AFF3: variants seen among roughly 807,000 people sequenced by gnomAD.
The protein encoded by AFF3 is AF4/FMR2 family member 3.
A neutral mutation model predicts 129.7 loss-of-function variants in AFF3; 32 were observed. The ratio of observed to expected loss-of-function variants is 0.25; its 90% CI spans 0.19 to 0.33. The LOEUF (loss-of-function observed/expected upper bound fraction) is 0.33, where lower values mean the gene tolerates loss of function less well. AFF3 is among the 10% of genes least tolerant of loss of function. The pLI, the probability that AFF3 is intolerant of heterozygous loss-of-function variation, is 1.00. For missense variants in AFF3, 1,373 were observed against 1,592.0 expected (o/e 0.86, Z 2.34); for synonymous variants, 644 against 635.4 (o/e 1.01, Z -0.20).
chr2:99,916,307 CCT>C (rs1457682516), intron 7 of AFF3, among the ~76,000 whole-genome samples: 28 of 152,284 alleles, frequency 1.8e-4, no homozygotes, highest in Admixed American at 1.3e-3. Context: ...CATCCCTCAC[CCT>C]GTTTTGGTTT....
chr2:99,601,557 T>TGCTGCTGCTGCTGCC lies in AFF3; in HGVS notation c.1234_1248dup (p.Gly412_Ser416dup). On this transcript the variant is annotated inframe_insertion, in exon 14 of 25. Coordinates refer to ENST00000672756, the MANE Select transcript of AFF3 (RefSeq NM_001386135.1). ...GAGGAGCTGCTGCTGCCGCTGCTGC[T>TGCTGCTGCTGCTGCC]GCTGCTGCTGCTGCCCTTGCTGGAA... 1 of 1,601,240 alleles carries TGCTGCTGCTGCTGCC rather than the reference T, an allele frequency of 6.2e-7. No individual in the cohort carries two copies. Among genetic ancestry groups the TGCTGCTGCTGCTGCC allele is most frequent in the South Asian group, 1.1e-5 (1 of 89,194 alleles).
chr2:99,646,859 A>G (rs1684739879), intron 13 of AFF3, among the ~76,000 whole-genome samples: 1 of 152,244 alleles, frequency 6.6e-6, no homozygotes, highest in Non-Finnish European at 1.5e-5. Flanking sequence ...TTTTAAAATC[A>G]TTATTTTGAA....
At chr2:99,736,769 C>T (rs1680301056) in intron 10 of AFF3, among the ~76,000 whole-genome samples, 1 of 151,984 alleles carries the variant, frequency 6.6e-6, no homozygotes, top group South Asian at 2.1e-4. Flanking sequence ...GCCACCACGC[C>T]CGGCTAATTT....
chr2:99,902,664 C>T (rs185233846), intron 7 of AFF3, among the ~76,000 whole-genome samples: 52 of 152,144 alleles, frequency 3.4e-4, no homozygotes, highest in Non-Finnish European at 6.5e-4. Flanking sequence ...CCAAATTTAA[C>T]CTTCTTGAGT....
intron 13 of AFF3, among the ~76,000 whole-genome samples, chr2:99,616,686 G>A (rs1285898572): frequency 6.6e-6 from 1 of 152,092 alleles, no homozygotes; most frequent in Non-Finnish European, 1.5e-5. Flanking sequence ...AACCCAGGAG[G>A]TGGAGGTTGC....
At chr2:99,916,059 T>C (rs576712688) in intron 7 of AFF3, among the ~76,000 whole-genome samples, 1 of 152,298 alleles carries the variant, frequency 6.6e-6, no homozygotes, top group Admixed American at 6.5e-5. Context: ...AGATGGATCT[T>C]TTCTCAAGTT....
intron 11 of AFF3, among the ~76,000 whole-genome samples, chr2:99,678,569 A>G (rs565186826): frequency 6.6e-6 from 1 of 152,238 alleles, no homozygotes; most frequent in South Asian, 2.1e-4. Flanking sequence ...CTTTAAAGTC[A>G]TTTCATTTTG....
intron 8 of AFF3, among the ~76,000 whole-genome samples, chr2:99,791,679 G>A (rs540510279): frequency 4.6e-4 from 70 of 152,266 alleles, no homozygotes; most frequent in African/African-American, 1.6e-3. Flanking sequence ...TCATGGACAC[G>A]CACAGAATGG....
At chr2:100,060,132 CA>C (rs1687146088) in intron 4 of AFF3, among the ~76,000 whole-genome samples, 1 of 152,152 alleles carries the variant, frequency 6.6e-6, no homozygotes, top group Non-Finnish European at 1.5e-5. Flanking sequence ...CCTCCGAGAA[CA>C]GGTAATTTCA....
At chr2:99,590,539 TA>T (rs1272013992) in intron 15 of AFF3, among the ~76,000 whole-genome samples, 2 of 152,116 alleles carry the variant, frequency 1.3e-5, no homozygotes, top group African/African-American at 4.8e-5. Flanking sequence ...AGGGAAACGG[TA>T]AAGACAGGAT....
At position 99,767,789 on chromosome 2, in the gene AFF3, C is replaced by T. The variant is rs371779388; in HGVS notation, c.922-15488G>A. Among the ~76,000 whole-genome samples, 3 of 152,230 alleles carry T rather than the reference C, an allele frequency of 2.0e-5. No individual in the cohort carries two copies. In the South Asian group the frequency reaches 6.2e-4, roughly 32 times the overall value. ...TGAAACCCCATCTCTACTAAAAATA[C>T]AAAAAATTAGCTGGGTGCGGTGGCA... On this transcript the variant is annotated intron_variant, in intron 8 of 24. Transcript: ENST00000672756.
intron 8 of AFF3, among the ~76,000 whole-genome samples, chr2:99,824,376 A>C (rs1244044195): frequency 6.6e-6 from 1 of 152,210 alleles, no homozygotes; most frequent in Non-Finnish European, 1.5e-5. Context: ...TGGCCTCCCA[A>C]AGTGCTGGGA....
intron 4 of AFF3, among the ~76,000 whole-genome samples, chr2:100,013,937 C>CATT (rs1261608757): frequency 6.6e-6 from 1 of 152,128 alleles, no homozygotes; most frequent in Non-Finnish European, 1.5e-5. Flanking sequence ...GCTACCCATT[C>CATT]ATTAGCCTGC....
In AFF3 at chr2:99,681,206, T is replaced by C. The variant is rs562515445; in HGVS notation, c.1092-8617A>G. Among the ~76,000 whole-genome samples, 9 of 152,364 alleles carry C rather than the reference T, an allele frequency of 5.9e-5. No homozygotes were observed. In the South Asian group the frequency reaches 1.9e-3, roughly 32 times the overall value. Reference sequence around the variant, plus strand: ...AAGAGCTGAAGGTCATGAATAGCTCTGCACCTTGGATCAAGTCCCATACTC... The same window carrying C: ...AAGAGCTGAAGGTCATGAATAGCTCCGCACCTTGGATCAAGTCCCATACTC... On this transcript the variant is annotated intron_variant, in intron 11 of 24. Transcript: ENST00000672756.
intron 8 of AFF3, among the ~76,000 whole-genome samples, chr2:99,775,052 C>A (rs375661228): frequency 1.6e-4 from 24 of 152,122 alleles, no homozygotes; most frequent in East Asian, 5.8e-4. Context: ...TATCATCTCA[C>A]GTCAGTCAGA....
Position 100,106,142 on chromosome 2 carries a change from C to G in AFF3, c.-144-559G>C. 8 of 1,233,842 alleles carry G rather than the reference C, an allele frequency of 6.5e-6. No homozygotes were observed. In the South Asian group the frequency reaches 9.9e-5, roughly 15 times the overall value. The allele number at this position is 1,233,842 out of a possible 1,614,324, so 76.4% of individuals were successfully genotyped here. A position where few individuals can be genotyped will look rare whatever the true frequency, so the allele number is the denominator to read the frequency against. ...GAGATCGGATTTGAGAATGCTCAGC[C>G]TGGCTCCCTTCTTCCCCCAGCTCTG... On this transcript the variant is annotated intron_variant, in intron 2 of 24. Coordinates refer to ENST00000672756, the MANE Select transcript of AFF3 (RefSeq NM_001386135.1).
intron 7 of AFF3, among the ~76,000 whole-genome samples, chr2:99,970,801 T>C (rs1678288052): frequency 6.6e-6 from 1 of 152,216 alleles, no homozygotes. Context: ...TGAACCACTG[T>C]GCGGATGAAG....
chr2:100,059,254 C>CACA (rs1687046593), intron 4 of AFF3, among the ~76,000 whole-genome samples: 1 of 31,020 alleles, frequency 3.2e-5, no homozygotes, highest in East Asian at 1.2e-3. Context: ...ACTCTGTCTC[C>CACA]AAAAAAAAAA....
chr2:99,936,622 A>C (rs1394715703), intron 7 of AFF3, among the ~76,000 whole-genome samples: 2 of 152,200 alleles, frequency 1.3e-5, no homozygotes, highest in African/African-American at 4.8e-5. Context: ...AAGGGACAAA[A>C]TCCAACTTCA....
Sources: gnomAD v4.1 joint callset for allele counts (sites outside exome capture counted in the v4.1 genomes callset) on GRCh38, gnomAD v4.1.1 for gene constraint, MANE v1.5 for transcripts, NCBI Gene and HGNC (gene_info 2026-07-23, HGNC 2026-07-21) for gene names.